Variants in NEGR1 observed in about 807,000 individuals in gnomAD.
NEGR1 encodes the protein neuronal growth regulator 1, also known as IgLON family member 4.
Under a neutral mutation model 40.9 loss-of-function variants are expected in NEGR1, and 10 were observed. The ratio of observed to expected loss-of-function variants is 0.24; its 90% confidence interval spans 0.15 to 0.42. The LOEUF is 0.42. Ranked by LOEUF, NEGR1 falls within the 10% of genes least tolerant of loss-of-function variation. The pLI, the probability that NEGR1 is intolerant of heterozygous loss-of-function variation, is 1.00. For synonymous variants in NEGR1, 185 were observed against 166.8 expected, an observed-to-expected ratio of 1.11 and a Z score of -0.84; for missense variants, 352 against 438.9, an observed-to-expected ratio of 0.80 and a Z score of 1.77.
intron 1 of NEGR1, among the ~76,000 whole-genome samples, chr1:72,273,595 C>A (rs1340740899): frequency 2.0e-4 from 30 of 152,002 alleles, no homozygotes; most frequent in Non-Finnish European, 1.5e-5. Context: ...CACATACACA[C>A]ACACACGCAA....
intron 3 of NEGR1, among the ~76,000 whole-genome samples, chr1:71,771,675 G>T (rs1656329400): frequency 2.4e-5 from 1 of 42,420 alleles, no homozygotes; most frequent in Non-Finnish European, 5.4e-5. Context: ...CTCCAGCCTG[G>T]GTAACAAAAG....
At chr1:71,774,673 C>T (rs1244839969) in intron 3 of NEGR1, among the ~76,000 whole-genome samples, 2 of 100,624 alleles carry the variant, frequency 2.0e-5, no homozygotes, top group Non-Finnish European at 4.4e-5. Context: ...CAGCCTTGCT[C>T]AGGGTATTTT....
intron 1 of NEGR1, among the ~76,000 whole-genome samples, chr1:72,187,336 A>G (rs1251863724): frequency 6.6e-6 from 1 of 151,488 alleles, no homozygotes; most frequent in East Asian, 1.9e-4. Context: ...CCTAGAAAAT[A>G]TTTATTGAAA....
intron 3 of NEGR1, among the ~76,000 whole-genome samples, chr1:71,705,750 G>T (rs968427849): frequency 1.5e-5 from 2 of 135,140 alleles, no homozygotes; most frequent in Non-Finnish European, 3.3e-5. Context: ...AGAAAGAAAA[G>T]AAAATAAAAG....
At chr1:71,734,917 T>TC (rs1553161903) in intron 3 of NEGR1, among the ~76,000 whole-genome samples, 1 of 151,834 alleles carries the variant, frequency 6.6e-6, no homozygotes, top group Admixed American at 6.6e-5. Context: ...AACTTTTTTT[T>TC]CCCCTCCATT....
chr1:72,003,092 G>A (rs901114224), intron 1 of NEGR1, among the ~76,000 whole-genome samples: 1 of 152,066 alleles, frequency 6.6e-6, no homozygotes, highest in African/African-American at 2.4e-5. Flanking sequence ...AAGATGGAAG[G>A]AAATTCAATT....
chr1:71,573,471 T>A (rs192979913), intron 6 of NEGR1: 3 of 152,318 alleles, frequency 2.0e-5, no homozygotes, highest in African/African-American at 7.2e-5. Flanking sequence ...TTTACAAGTC[T>A]AACTACAGAG....
intron 6 of NEGR1, among the ~76,000 whole-genome samples, chr1:71,541,012 G>C (rs1018570712): frequency 6.6e-6 from 1 of 151,490 alleles, no homozygotes; most frequent in African/African-American, 2.4e-5. Context: ...TGCAAAGACA[G>C]CACCAAGCCA....
At chr1:71,808,425 T>C (rs1460793247) in intron 2 of NEGR1, among the ~76,000 whole-genome samples, 1 of 152,196 alleles carries the variant, frequency 6.6e-6, no homozygotes, top group Non-Finnish European at 1.5e-5. Context: ...ATATTATTTA[T>C]TTCTCACAGT....
chr1:71,409,975 T>TAA (rs1273544013), intron 6 of NEGR1, among the ~76,000 whole-genome samples: 1 of 152,044 alleles, frequency 6.6e-6, no homozygotes, highest in African/African-American at 2.4e-5. Context: ...CTTAATAAGA[T>TAA]ATGTATGATC....
At chr1:71,535,153 G>A (rs1042931687) in intron 6 of NEGR1, among the ~76,000 whole-genome samples, 2 of 151,664 alleles carry the variant, frequency 1.3e-5, no homozygotes, top group African/African-American at 4.8e-5. Context: ...AAAGGTAGAA[G>A]TTTAATCAGA....
intron 1 of NEGR1, among the ~76,000 whole-genome samples, chr1:72,169,124 A>T (rs1651872348): frequency 6.6e-6 from 1 of 152,158 alleles, no homozygotes; most frequent in Admixed American, 6.6e-5. Context: ...CCATACAAAA[A>T]ATCATGATAA....
chr1:71,875,985 A>G (rs1660417853), intron 2 of NEGR1, among the ~76,000 whole-genome samples: 1 of 151,846 alleles, frequency 6.6e-6, no homozygotes, highest in South Asian at 2.1e-4. Context: ...TCCAAACGTT[A>G]TTTTTCTTAT....
In NEGR1 at chr1:71,928,050, GTATA is replaced by G. The variant is rs1491335805; in HGVS notation, c.409+7025_409+7028del. Among the ~76,000 whole-genome samples the G allele has an allele frequency of 8.3e-5, 5 of 60,458 alleles. No homozygotes were observed. The Admixed American group carries it at 1.1e-3, about 13-fold the overall frequency. 39.7% of individuals were successfully genotyped at this position (60,458 alleles called of 152,430 possible). A position where few individuals can be genotyped will look rare whatever the true frequency, so the allele number is the denominator to read the frequency against. ...AATACACACACACACACACACACAC[GTATA>G]TATATACACACACACATATGTACAT... On this transcript the variant is annotated intron_variant, in intron 2 of 6. Coordinates refer to ENST00000357731, the MANE Select transcript of NEGR1 (RefSeq NM_173808.3).
At chr1:71,734,078 G>A (rs1191063537) in intron 3 of NEGR1, among the ~76,000 whole-genome samples, 1 of 152,188 alleles carries the variant, frequency 6.6e-6, no homozygotes, top group Non-Finnish European at 1.5e-5. Context: ...AGTACAGGAA[G>A]GTTGGGACTG....
intron 1 of NEGR1, among the ~76,000 whole-genome samples, chr1:72,015,466 T>A (rs1029280451): frequency 1.3e-5 from 2 of 152,128 alleles, no homozygotes; most frequent in African/African-American, 4.8e-5. Context: ...TTAAGTTATG[T>A]ACAACTTTCC....
chr1:71,824,873 A>T (rs954722307), intron 2 of NEGR1, among the ~76,000 whole-genome samples: 2 of 151,980 alleles, frequency 1.3e-5, no homozygotes, highest in East Asian at 1.9e-4. Context: ...CCAATACCTG[A>T]ATAATCAACA....
intron 2 of NEGR1, among the ~76,000 whole-genome samples, chr1:71,904,272 C>T (rs747891803): frequency 4.6e-5 from 7 of 151,842 alleles, no homozygotes; most frequent in South Asian, 2.1e-4. Context: ...TATTGTTAAT[C>T]GAGAAGTTAT....
chr1:71,522,257 T>C (rs980573880), intron 6 of NEGR1, among the ~76,000 whole-genome samples: 28 of 152,010 alleles, frequency 1.8e-4, no homozygotes, highest in Admixed American at 9.2e-4. Context: ...TAATATATAC[T>C]AGGCAAGGGA....
Sources: allele counts gnomAD v4.1 joint callset (sites outside exome capture counted in the v4.1 genomes callset), GRCh38; gene constraint gnomAD v4.1.1; transcripts MANE v1.5; gene names NCBI Gene and HGNC (gene_info 2026-07-23, HGNC 2026-07-21).